The following SHOC1 variants were observed in gnomAD, a reference collection of about 807,000 sequenced individuals.
The protein encoded by SHOC1 is shortage in chiasmata 1, also known as protein shortage in chiasmata 1 ortholog.
SHOC1 carries 136 observed loss-of-function variants against 179.2 expected under a neutral mutation model. The ratio of observed to expected loss-of-function variants is 0.76; its 90% CI spans 0.66 to 0.87. SHOC1 has a LOEUF of 0.87. Ranked by LOEUF, SHOC1 falls within the 40% of genes least tolerant of loss-of-function variation. The pLI is 0.00. For synonymous variants in SHOC1, 489 were observed against 586.6 expected (o/e 0.83, Z 2.41); for missense variants, 1,538 against 1,700.8 (o/e 0.90, Z 1.68).
chr9:111,709,425 G>A (rs1309306874), intron 18 of SHOC1, among the ~76,000 whole-genome samples: 2 of 152,098 alleles, frequency 1.3e-5, no homozygotes, highest in Admixed American at 1.3e-4. Flanking sequence ...TAATTACTTG[G>A]TAAGTGCAGT....
At chr9:111,705,178 C>T (rs879221965) in intron 21 of SHOC1, 69 bp downstream of exon 21, 26 of 600,040 alleles carry the variant, frequency 4.3e-5, no homozygotes, top group South Asian at 1.5e-4. Context: ...TATACACACA[C>T]ACACACACAC....
rs1328299968 is a variant in SHOC1 at position 111,758,752 on chromosome 9, A to G, written c.539T>C (p.Val180Ala). The stretch of plus-strand genomic sequence containing the variant: ...TTTGAAATCTAAAAGAGGATCCTTT[A>G]CCAAAAACAGTTTTAGTCTACTCAA... The part of the protein sequence containing the change: ...TLLSRLKLFL[V>A]KDPLLDFKGQ... The change falls in exon 6 of 28, where the codon GTA (valine) becomes GCA (alanine). Residue 180 changes from valine (V) to alanine (A), a missense_variant. By Grantham distance (64) the Val-to-Ala change is moderately conservative. Transcript: ENST00000682961. The G allele has an allele frequency of 6.2e-7, 1 of 1,601,604 alleles. No individual in the cohort carries two copies. Among genetic ancestry groups the G allele is most frequent in the South Asian group, 1.1e-5 (1 of 87,834 alleles).
intron 23 of SHOC1, among the ~76,000 whole-genome samples, chr9:111,701,894 A>G (rs1393801000): frequency 1.3e-5 from 2 of 152,112 alleles, no homozygotes; most frequent in Non-Finnish European, 2.9e-5. Flanking sequence ...GATGGGGGAA[A>G]GGGGGATGGC....
intron 4 of SHOC1, among the ~76,000 whole-genome samples, chr9:111,777,431 G>A (rs1835877871): frequency 6.9e-6 from 1 of 145,898 alleles, no homozygotes; most frequent in Non-Finnish European, 1.5e-5. Flanking sequence ...GGTTAGTTCA[G>A]CCTACACCCA....
At chr9:111,748,829 TCTC>T in intron 8 of SHOC1, among the ~76,000 whole-genome samples, 2 of 122,584 alleles carry the variant, frequency 1.6e-5, no homozygotes, top group Middle Eastern at 4.3e-3. Flanking sequence ...CCTCCCTTCC[TCTC>T]TCCCTCCCTC....
intron 4 of SHOC1, among the ~76,000 whole-genome samples, chr9:111,778,441 T>A (rs1464110063): frequency 4.6e-5 from 7 of 152,000 alleles, no homozygotes; most frequent in Admixed American, 4.6e-4. Context: ...GATAGACAAA[T>A]AAGTATATAA....
At chr9:111,699,566 C>T (rs185935367) in intron 24 of SHOC1, among the ~76,000 whole-genome samples, 123 of 152,074 alleles carry the variant, frequency 8.1e-4, no homozygotes, top group Non-Finnish European at 1.5e-3. Context: ...AAAAAGGGGG[C>T]CAAGGGAAGA....
intron 19 of SHOC1, among the ~76,000 whole-genome samples, chr9:111,707,599 C>A (rs1453870829): frequency 6.6e-6 from 1 of 151,940 alleles, no homozygotes; most frequent in Non-Finnish European, 1.5e-5. Context: ...TTCTGTACTA[C>A]AATAACAATA....
chr9:111,788,809 A>C (rs1836351650), intron 2 of SHOC1, among the ~76,000 whole-genome samples: 1 of 152,236 alleles, frequency 6.6e-6, no homozygotes, highest in Non-Finnish European at 1.5e-5. Context: ...AGGAATGTTA[A>C]ATCAGTTAAT....
chr9:111,771,948 A>G (rs760180218), intron 5 of SHOC1, among the ~76,000 whole-genome samples: 6 of 152,098 alleles, frequency 3.9e-5, no homozygotes, highest in Admixed American at 2.6e-4. Context: ...CTGGAGATTT[A>G]TATCTTTCTC....
chr9:111,708,245 C>T (rs902259323), intron 18 of SHOC1, among the ~76,000 whole-genome samples: 1 of 151,480 alleles, frequency 6.6e-6, no homozygotes, highest in Admixed American at 6.6e-5. Flanking sequence ...CTCTGTCGCC[C>T]AGGCTGGAGT....
At chr9:111,791,146 G>C (rs1235366816) in intron 2 of SHOC1, among the ~76,000 whole-genome samples, 1 of 151,986 alleles carries the variant, frequency 6.6e-6, no homozygotes, top group Non-Finnish European at 1.5e-5. Context: ...TGTGGATAAG[G>C]TGTATATAAA....
intron 2 of SHOC1, among the ~76,000 whole-genome samples, chr9:111,786,774 G>C (rs1451714071): frequency 1.3e-5 from 2 of 152,144 alleles, no homozygotes; most frequent in Admixed American, 1.3e-4. Flanking sequence ...TAAATGTTGT[G>C]TGTATTCTGA....
rs181598656 is a variant in SHOC1, at chr9:111,688,333, C to T, written c.4427-1463G>A. Among the ~76,000 whole-genome samples, 23 of 152,136 alleles carry T rather than the reference C, an allele frequency of 1.5e-4. No homozygotes were observed. The East Asian group carries it at 3.3e-3, about 22-fold the overall frequency. On this transcript the variant is annotated intron_variant, in intron 27 of 27. Transcript: ENST00000682961. ...TCCCATGAAATAAATGTATATTTTG[C>T]ACCTATTTAATAACTCCAATTTATT... is the stretch of plus-strand genomic sequence containing the variant.
intron 7 of SHOC1, among the ~76,000 whole-genome samples, chr9:111,757,254 C>G (rs1282665313): frequency 1.3e-5 from 2 of 152,238 alleles, no homozygotes; most frequent in Non-Finnish European, 2.9e-5. Flanking sequence ...AGGCGCCCAC[C>G]ACTATGCCTG....
intron 12 of SHOC1, among the ~76,000 whole-genome samples, chr9:111,737,049 G>C (rs1252554562): frequency 6.6e-6 from 1 of 152,112 alleles, no homozygotes; most frequent in East Asian, 1.9e-4. Context: ...CTATTAAAAA[G>C]TTGAAAAACA....
chr9:111,748,631 CTTTT>C (rs995448713), intron 8 of SHOC1, among the ~76,000 whole-genome samples: 1 of 152,064 alleles, frequency 6.6e-6, no homozygotes, highest in African/African-American at 2.4e-5. Flanking sequence ...TTTTTTCTTT[CTTTT>C]ATCTCCCTTC....
intron 18 of SHOC1, among the ~76,000 whole-genome samples, chr9:111,711,512 T>C (rs1288295704): frequency 6.6e-6 from 1 of 152,144 alleles, no homozygotes; most frequent in Non-Finnish European, 1.5e-5. Flanking sequence ...TTTTTTCTTT[T>C]TTACCAAATA....
intron 5 of SHOC1, among the ~76,000 whole-genome samples, chr9:111,765,821 C>A (rs1835332219): frequency 5.9e-5 from 9 of 151,908 alleles, no homozygotes; most frequent in Admixed American, 5.9e-4. Context: ...TCAAACAATT[C>A]TCCTGCCTCA....
Sources: allele counts gnomAD v4.1 joint callset (sites outside exome capture counted in the v4.1 genomes callset), GRCh38; gene constraint gnomAD v4.1.1; transcripts MANE v1.5; gene names NCBI Gene and HGNC (gene_info 2026-07-23, HGNC 2026-07-21).